Variants in SERINC2 observed in about 807,000 individuals in gnomAD.
SERINC2 encodes serine incorporator 2.
In SERINC2, 56 loss-of-function variants were observed where a neutral mutation model predicts 54.2. The ratio of observed to expected loss-of-function variants is 1.03; its 90% CI spans 0.83 to 1.29. The LOEUF (loss-of-function observed/expected upper bound fraction) is 1.29. Among genes scored for constraint, SERINC2 ranks in the 50% most tolerant of loss-of-function variants. The probability of loss-of-function intolerance (pLI) is 0.00; values close to 1 mark genes in which losing one functional copy is unlikely to be tolerated. For synonymous variants in SERINC2, 272 were observed against 253.1 expected, an observed-to-expected ratio of 1.07 and a Z score of -0.71; for missense variants, 614 against 607.4, an observed-to-expected ratio of 1.01 and a Z score of -0.12.
At chr1:31,432,204 A>ATAGG (rs1641314479) in intron 8 of SERINC2, among the ~76,000 whole-genome samples, 2 of 46,426 alleles carry the variant, frequency 4.3e-5, no homozygotes, top group Non-Finnish European at 1.0e-4. Context: ...GAGTGGAGAG[A>ATAGG]GTGGACAGGG....
upstream of SERINC2, chr1:31,409,853 G>A: frequency 6.4e-7 from 1 of 1,557,278 alleles, no homozygotes; most frequent in Non-Finnish European, 8.7e-7. Flanking sequence ...CGGGAGGATG[G>A]TAAGAGGGGA....
At position 31,413,599 on chromosome 1, in the gene SERINC2, G is replaced by A. The variant is rs1640699575; in HGVS notation, c.39+295G>A. Among the ~76,000 whole-genome samples, 1 of 151,936 alleles carries A rather than the reference G, an allele frequency of 6.6e-6. No individual in the cohort carries two copies. Among genetic ancestry groups the A allele is most frequent in the Admixed American group, 6.5e-5 (1 of 15,278 alleles). On this transcript the variant is annotated intron_variant, in intron 1 of 9. Coordinates refer to ENST00000373709, the MANE Select transcript of SERINC2 (RefSeq NM_178865.5). This position sits in a 1 kb window ranked among gnomAD's most constrained non-coding sequence, Gnocchi z 5.0. ...CGGGCGCCCTCCTGGGACCTGGAGA[G>A]ACTAAGCCTGGAGCCCGGGGTCGGG...
chr1:31,433,957 A>C, intron 9 of SERINC2, 107 bp from the exon 10 acceptor site: 2 of 1,150,376 alleles, frequency 1.7e-6, no homozygotes, highest in Non-Finnish European at 2.5e-6. Context: ...TTACAGGGTA[A>C]GAGCCAGAGT....
Position 31,426,669 on chromosome 1 carries a change from C to G in SERINC2, c.626C>G (p.Thr209Ser). ...TCTGGCCCAGGCCTCTTCTTCTTCA[C>G]TCTCCTCTTCTACTTGCTGTCGATC... The part of the protein sequence containing the change: ...RAWYAGLFFF[T>S]LLFYLLSIAA... Residue 209 changes from threonine (T) to serine (S), a missense_variant, in exon 6 of 10, where the codon ACT becomes AGT. Coordinates refer to ENST00000373709, the MANE Select transcript of SERINC2 (RefSeq NM_178865.5). 1 of 1,610,220 alleles carries G rather than the reference C, an allele frequency of 6.2e-7. No homozygotes were observed. Among genetic ancestry groups the G allele is most frequent in the Non-Finnish European group, 8.5e-7 (1 of 1,176,872 alleles).
chr1:31,422,420 C>T (rs891679941), intron 1 of SERINC2, among the ~76,000 whole-genome samples: 1 of 152,174 alleles, frequency 6.6e-6, no homozygotes, highest in East Asian at 1.9e-4. Context: ...CTGCCTTGGC[C>T]TCCCAAAATG....
chr1:31,409,963 C>T, upstream of SERINC2: 3 of 1,075,198 alleles, frequency 2.8e-6, no homozygotes, highest in South Asian at 1.6e-5. Context: ...ATTAGAGAAC[C>T]TTGGGGTGGG....
chr1:31,409,964 T>C (rs931664090), upstream of SERINC2: 3 of 1,059,026 alleles, frequency 2.8e-6, no homozygotes, highest in Non-Finnish European at 4.1e-6. Context: ...TTAGAGAACC[T>C]TGGGGTGGGT....
intron 8 of SERINC2, among the ~76,000 whole-genome samples, chr1:31,432,605 T>C (rs1304343743): frequency 2.0e-5 from 3 of 152,164 alleles, no homozygotes; most frequent in African/African-American, 4.8e-5. Context: ...TTTATGGAAA[T>C]GGCAAAGGAA....
At position 31,432,137 on chromosome 1, in the gene SERINC2, A is replaced by T. The variant is rs868940882; in HGVS notation, c.1014-830A>T. Among the ~76,000 whole-genome samples the T allele has an allele frequency of 8.5e-4, 94 of 110,038 alleles. 5 individuals carry two copies. The highest frequency in any genetic ancestry group is 2.7e-3 in the East Asian group (8 of 3,016). The allele number at this position is 110,038 out of a possible 152,430, so 72.2% of individuals were successfully genotyped here. ...AGGGTGGTTAGGGTGGATAGGGTGG[A>T]CAGGGTGGACAGGGTGGACAGGGTG... On this transcript the variant is annotated intron_variant, in intron 8 of 9. Coordinates refer to ENST00000373709, the MANE Select transcript of SERINC2 (RefSeq NM_178865.5).
At chr1:31,417,317 C>G (rs1218526888) in intron 1 of SERINC2, among the ~76,000 whole-genome samples, 1 of 152,132 alleles carries the variant, frequency 6.6e-6, no homozygotes, top group Non-Finnish European at 1.5e-5. Flanking sequence ...CAATCATTCC[C>G]CATTGCTTTC....
upstream of SERINC2, among the ~76,000 whole-genome samples, chr1:31,411,225 G>A (rs1553131428): frequency 6.6e-6 from 1 of 152,146 alleles, no homozygotes; most frequent in African/African-American, 2.4e-5. Context: ...AGGAAGACTA[G>A]ATATTGTCAC....
chr1:31,426,031 T>TG, intron 5 of SERINC2, 118 bp downstream of exon 5: 1 of 1,077,932 alleles, frequency 9.3e-7, no homozygotes, highest in Non-Finnish European at 1.3e-6. Context: ...TAGCAGCCAC[T>TG]GCCTTAGGTC....
chr1:31,431,994 T>TAGGGTGGATAGGGTGGAC (rs1641255308), intron 8 of SERINC2, among the ~76,000 whole-genome samples: 1 of 24,130 alleles, frequency 4.1e-5, no homozygotes, highest in African/African-American at 9.2e-5. Context: ...ATAGGGTGGA[T>TAGGGTGGATAGGGTGGAC]AGGGTGGATA....
At chr1:31,412,627 CCACTG>C (rs544773390), upstream of SERINC2, among the ~76,000 whole-genome samples, 234 of 152,282 alleles carry the variant, frequency 1.5e-3, no homozygotes, top group African/African-American at 5.3e-3. Flanking sequence ...TATGTTTGCA[CCACTG>C]CACTCCAGCC....
At chr1:31,433,417 C>G (rs1179011289) in intron 9 of SERINC2, among the ~76,000 whole-genome samples, 3 of 152,144 alleles carry the variant, frequency 2.0e-5, no homozygotes, top group African/African-American at 7.2e-5. Context: ...GGGGAAGGCA[C>G]AGCAGCTGGG....
intron 6 of SERINC2, 83 bp downstream of exon 6, chr1:31,426,906 A>G: frequency 7.6e-7 from 1 of 1,319,386 alleles, no homozygotes; most frequent in Non-Finnish European, 1.1e-6. Flanking sequence ...TCCTGGGGCT[A>G]GGGCTGTCAT....
chr1:31,434,368 G>T lies in SERINC2; in HGVS notation c.*169G>T. 1.5e-6 allele frequency: 1 copy of T among 649,944 alleles called. No homozygotes were observed. The highest frequency in any genetic ancestry group is 2.6e-6 in the Non-Finnish European group (1 of 382,568). The allele number at this position is 649,944 out of a possible 1,614,324, so 40.3% of individuals were successfully genotyped here. A position where few individuals can be genotyped will look rare whatever the true frequency, so the allele number is the denominator to read the frequency against. ...GGCCTTCTAGTCGTAGTGCCTTCAG[G>T]GTCCGAGGAGCATCAGGCTCCTGCA... On this transcript the variant is annotated 3_prime_UTR_variant, in exon 10 of 10. Coordinates refer to ENST00000373709, the MANE Select transcript of SERINC2 (RefSeq NM_178865.5).
At chr1:31,433,517 G>A (rs1641384488) in intron 9 of SERINC2, among the ~76,000 whole-genome samples, 1 of 152,244 alleles carries the variant, frequency 6.6e-6, no homozygotes, top group South Asian at 2.1e-4. Context: ...GGATCAGGGT[G>A]TGGAGTGCAG....
At chr1:31,416,912 G>C (rs1175672710) in intron 1 of SERINC2, among the ~76,000 whole-genome samples, 1 of 152,082 alleles carries the variant, frequency 6.6e-6, no homozygotes, top group Admixed American at 6.5e-5. Flanking sequence ...TAGAGACGGG[G>C]TTTCACCATG....
Sources: gnomAD v4.1 joint callset for allele counts (sites outside exome capture counted in the v4.1 genomes callset) on GRCh38, gnomAD v4.1.1 for gene constraint, Gnocchi (gnomAD v3.1) non-coding constraint, MANE v1.5 for transcripts, NCBI Gene and HGNC (gene_info 2026-07-23, HGNC 2026-07-21) for gene names.